TMEFF1: variants seen among roughly 807,000 people sequenced by gnomAD.
TMEFF1 encodes transmembrane protein with EGF like and two follistatin like domains 1.
In TMEFF1, 20 loss-of-function variants were observed where a neutral mutation model predicts 47.5. That is an observed-to-expected ratio of 0.42 (90% confidence interval 0.30 to 0.61). The LOEUF (loss-of-function observed/expected upper bound fraction) is 0.61, where lower values mean the gene tolerates loss of function less well. TMEFF1 is among the 20% of genes least tolerant of loss of function. The pLI is 0.19. For missense variants in TMEFF1, 411 were observed against 471.1 expected (o/e 0.87, Z 1.18); for synonymous variants, 162 against 166.3 (o/e 0.97, Z 0.20).
At chr9:100,515,208 T>C (rs1049462115) in intron 4 of TMEFF1, among the ~76,000 whole-genome samples, 1 of 151,456 alleles carries the variant, frequency 6.6e-6, no homozygotes, top group Non-Finnish European at 1.5e-5. Flanking sequence ...TTTTAAAAAA[T>C]TTTTTTTTGA....
At chr9:100,533,021 A>C (rs10989142) in intron 5 of TMEFF1, among the ~76,000 whole-genome samples, 5,521 of 144,928 alleles carry the variant, frequency 0.038, 244 homozygotes, top group East Asian at 0.21. Context: ...TCTCACTCAT[A>C]GGTGGGAATT....
chr9:100,506,584 T>C (rs1346273799), intron 2 of TMEFF1, among the ~76,000 whole-genome samples: 2 of 151,532 alleles, frequency 1.3e-5, no homozygotes, highest in Non-Finnish European at 2.9e-5. Flanking sequence ...GCTAACACAG[T>C]GAAACCCCGT....
intron 5 of TMEFF1, among the ~76,000 whole-genome samples, chr9:100,535,150 A>C (rs1838478332): frequency 6.6e-6 from 1 of 152,222 alleles, no homozygotes; most frequent in Non-Finnish European, 1.5e-5. Context: ...TTTTTAATAT[A>C]TGGTAAAATG....
intron 1 of TMEFF1, among the ~76,000 whole-genome samples, chr9:100,488,411 CTTTTA>C (rs1327692873): frequency 6.6e-6 from 1 of 151,950 alleles, no homozygotes; most frequent in East Asian, 1.9e-4. Context: ...GTATGTTTTT[CTTTTA>C]TATCTGTTAT....
chr9:100,502,986 G>A (rs369605357), intron 2 of TMEFF1, among the ~76,000 whole-genome samples: 1 of 152,196 alleles, frequency 6.6e-6, no homozygotes, highest in Admixed American at 6.5e-5. Flanking sequence ...TTGCTGCCGA[G>A]TGAACCTTCC....
intron 5 of TMEFF1, among the ~76,000 whole-genome samples, chr9:100,537,698 G>A (rs1838545415): frequency 1.3e-5 from 2 of 151,968 alleles, no homozygotes; most frequent in African/African-American, 4.8e-5. Context: ...TTTAGATACA[G>A]AGATATTATG....
At chr9:100,550,036 A>G in intron 6 of TMEFF1, 59 bp from the exon 7 acceptor site, 1 of 1,562,812 alleles carries the variant, frequency 6.4e-7, no homozygotes, top group African/African-American at 1.4e-5. Context: ...TATTGGGAGT[A>G]TCATGATATG....
chr9:100,545,440 C>T (rs749553542), intron 5 of TMEFF1, among the ~76,000 whole-genome samples: 9 of 152,200 alleles, frequency 5.9e-5, no homozygotes, highest in Non-Finnish European at 1.0e-4. Context: ...ATGGCTGGAG[C>T]AGCTGAGATG....
chr9:100,538,703 TTA>T (rs1313336042), intron 5 of TMEFF1, among the ~76,000 whole-genome samples: 2 of 152,228 alleles, frequency 1.3e-5, no homozygotes, highest in East Asian at 1.9e-4. Flanking sequence ...GTGCACAGCA[TTA>T]TGTTTTTGAG....
intron 5 of TMEFF1, 111 bp downstream of exon 5, chr9:100,516,882 A>ATTT: frequency 8.2e-7 from 1 of 1,213,960 alleles, no homozygotes; most frequent in Non-Finnish European, 1.1e-6. Flanking sequence ...GTGTTTTCAA[A>ATTT]TTTTTTTTTT....
At chr9:100,507,684 T>C (rs1284081998) in intron 2 of TMEFF1, among the ~76,000 whole-genome samples, 1 of 152,190 alleles carries the variant, frequency 6.6e-6, no homozygotes, top group East Asian at 1.9e-4. Context: ...CTTTGCCCTA[T>C]TTTTAATGGA....
chr9:100,527,806 A>G (rs1226224973), intron 5 of TMEFF1, among the ~76,000 whole-genome samples: 2 of 152,226 alleles, frequency 1.3e-5, no homozygotes, highest in Non-Finnish European at 2.9e-5. Context: ...ACAAACAAAA[A>G]GACAGCAGTA....
At chr9:100,518,326 AGCC>A in intron 5 of TMEFF1, 1 of 435,612 alleles carries the variant, frequency 2.3e-6, no homozygotes, top group Non-Finnish European at 3.1e-6. Context: ...TGTAATATGT[AGCC>A]TATTCCCAAT....
intron 5 of TMEFF1, among the ~76,000 whole-genome samples, chr9:100,526,681 C>A (rs775071787): frequency 6.6e-6 from 1 of 151,922 alleles, no homozygotes; most frequent in Non-Finnish European, 1.5e-5. Flanking sequence ...TCATTCAGGA[C>A]TCATGGATTT....
chr9:100,522,430 CTTTTTTTTTTT>C lies in TMEFF1; in HGVS notation c.560+5674_560+5684del, dbSNP rs869111876. Among the ~76,000 whole-genome samples, 461 of 69,680 alleles carry C rather than the reference CTTTTTTTTTTT, an allele frequency of 6.6e-3. 3 individuals are homozygous for C. Among genetic ancestry groups the C allele is most frequent in the African/African-American group, 0.023 (419 of 18,104 alleles). The allele number at this position is 69,680 out of a possible 152,430, so 45.7% of individuals were successfully genotyped here. Reference sequence around the variant, plus strand: ...AGGTTCCTTTATCCAGAAATATCTTCTTTTTTTTTTTTTTTTTTTTTTTTTGAGACGGAGTT... The same window carrying C: ...AGGTTCCTTTATCCAGAAATATCTTCTTTTTTTTTTTTTTGAGACGGAGTT... On this transcript the variant is annotated intron_variant, in intron 5 of 9. Coordinates refer to ENST00000374879, the MANE Select transcript of TMEFF1 (RefSeq NM_003692.5).
At chr9:100,526,050 G>T (rs185647735) in intron 5 of TMEFF1, among the ~76,000 whole-genome samples, 14 of 152,296 alleles carry the variant, frequency 9.2e-5, no homozygotes, top group Admixed American at 8.5e-4. Flanking sequence ...CTTGTTTGAA[G>T]TGTTTAGGTA....
intron 5 of TMEFF1, among the ~76,000 whole-genome samples, chr9:100,533,281 C>G (rs1000069916): frequency 3.9e-5 from 6 of 151,922 alleles, no homozygotes; most frequent in Non-Finnish European, 7.4e-5. Flanking sequence ...CTTTAAGGGA[C>G]TTTTTAAGAA....
intron 8 of TMEFF1, among the ~76,000 whole-genome samples, chr9:100,564,606 A>G (rs1839087268): frequency 1.3e-5 from 2 of 152,166 alleles, no homozygotes; most frequent in Admixed American, 6.5e-5. Flanking sequence ...CAGCCTGAAG[A>G]TGGGTGGGGG....
chr9:100,535,427 C>G (rs1587843073), intron 5 of TMEFF1, among the ~76,000 whole-genome samples: 1 of 152,124 alleles, frequency 6.6e-6, no homozygotes, highest in Non-Finnish European at 1.5e-5. Flanking sequence ...TTTGAATCAT[C>G]CCTTTTATTA....
Sources: gnomAD v4.1 joint callset for allele counts (sites outside exome capture counted in the v4.1 genomes callset) on GRCh38, gnomAD v4.1.1 for gene constraint, MANE v1.5 for transcripts, NCBI Gene and HGNC (gene_info 2026-07-23, HGNC 2026-07-21) for gene names.